CACNG6: variants seen among roughly 807,000 people sequenced by gnomAD.
The protein encoded by CACNG6 is voltage-dependent calcium channel gamma-6 subunit.
Under a neutral mutation model 23.9 loss-of-function variants are expected in CACNG6, and 21 were observed. The ratio of observed to expected loss-of-function variants is 0.88; its 90% CI spans 0.62 to 1.26. The LOEUF is 1.26. CACNG6 is among the 50% of genes most tolerant of loss of function. The probability of loss-of-function intolerance (pLI) is 0.00; values close to 1 mark genes in which losing one functional copy is unlikely to be tolerated. For synonymous variants in CACNG6, 182 were observed against 168.9 expected, an observed-to-expected ratio of 1.08 and a Z score of -0.60; for missense variants, 340 against 352.9, an observed-to-expected ratio of 0.96 and a Z score of 0.29.
chr19:54,005,254 AATAAAAG>A, intron 3 of CACNG6, among the ~76,000 whole-genome samples: 1 of 77,522 alleles, frequency 1.3e-5, no homozygotes, highest in Non-Finnish European at 2.8e-5. Flanking sequence ...AATAAATAAT[AATAAAAG>A]AAAGAGCACG....
chr19:53,995,954 G>A (rs1340561471), intron 1 of CACNG6, among the ~76,000 whole-genome samples: 1 of 151,982 alleles, frequency 6.6e-6, no homozygotes, highest in African/African-American at 2.4e-5. Context: ...GAGCCACCAC[G>A]CGCAGCCCAG....
At chr19:54,011,203 A>ATATATATATATAT (rs1236174156) in intron 3 of CACNG6, among the ~76,000 whole-genome samples, 2 of 100,684 alleles carry the variant, frequency 2.0e-5, no homozygotes, top group Admixed American at 1.2e-4. Context: ...AAAAAAAAAA[A>ATATATATATATAT]AAATATATAT....
intron 3 of CACNG6, among the ~76,000 whole-genome samples, chr19:54,011,221 T>TACACACACACAC (rs373872212): frequency 4.0e-5 from 4 of 101,120 alleles, no homozygotes; most frequent in African/African-American, 1.0e-4. Flanking sequence ...TATATATATA[T>TACACACACACAC]ATATATACAC....
chr19:53,996,712 A>G (rs2069524552), intron 1 of CACNG6, among the ~76,000 whole-genome samples: 1 of 151,036 alleles, frequency 6.6e-6, no homozygotes, highest in South Asian at 2.1e-4. Flanking sequence ...GTTTTATATT[A>G]TTTTTTCCTC....
chr19:53,998,383 G>A (rs528306138), intron 2 of CACNG6, 70 bp downstream of exon 2: 2 of 1,391,046 alleles, frequency 1.4e-6, no homozygotes, highest in African/African-American at 1.4e-5. Context: ...GAGTTCTAGA[G>A]AGAGTTATCC....
chr19:54,004,623 G>A (rs1041514427), intron 3 of CACNG6, among the ~76,000 whole-genome samples: 2 of 152,100 alleles, frequency 1.3e-5, no homozygotes, highest in Admixed American at 6.6e-5. Context: ...GCCTCGCGCG[G>A]GCTGACTCCC....
intron 3 of CACNG6, among the ~76,000 whole-genome samples, chr19:54,003,402 C>T (rs966674289): frequency 6.6e-6 from 1 of 152,010 alleles, no homozygotes; most frequent in East Asian, 1.9e-4. Flanking sequence ...GCTCTGTCAC[C>T]CAGGCTGGAG....
At chr19:53,993,659 T>C (rs2069491446) in intron 1 of CACNG6, among the ~76,000 whole-genome samples, 3 of 144,710 alleles carry the variant, frequency 2.1e-5, no homozygotes, top group Admixed American at 1.4e-4. Context: ...CCGACTATCC[T>C]GTACCCCCAG....
At chr19:54,010,791 G>A (rs909331962) in intron 3 of CACNG6, among the ~76,000 whole-genome samples, 2 of 151,776 alleles carry the variant, frequency 1.3e-5, no homozygotes, top group African/African-American at 4.8e-5. Context: ...ATGTTGCCCA[G>A]GCTGGTCTCA....
rs1056676262 is a variant in CACNG6 at position 54,012,385 on chromosome 19, G to A, written c.*196G>A. The A allele has an allele frequency of 2.5e-6, 1 of 400,406 alleles. No homozygotes were observed. Among genetic ancestry groups the A allele is most frequent in the African/African-American group, 2.1e-5 (1 of 48,504 alleles). 24.8% of individuals were successfully genotyped at this position (400,406 alleles called of 1,614,324 possible). A position where few individuals can be genotyped will look rare whatever the true frequency, so the allele number is the denominator to read the frequency against. On this transcript the variant is annotated 3_prime_UTR_variant, in exon 4 of 4. Transcript: ENST00000252729. ...TACGTTTTTCTCTGTGGCTGTATGT[G>A]GGTTGCTTGGGGGTGGGATGGGAAG...
chr19:54,001,652 T>A (rs158201), intron 3 of CACNG6, among the ~76,000 whole-genome samples: 1 of 152,016 alleles, frequency 6.6e-6, no homozygotes, highest in African/African-American at 2.4e-5. Context: ...TCCTCAGGGA[T>A]TTAGAGAGGG....
chr19:53,992,730 C>A lies in CACNG6; in HGVS notation c.-148C>A. On this transcript the variant is annotated 5_prime_UTR_variant, in exon 1 of 4. Transcript: ENST00000252729. The surrounding 1 kb of genome is among the most constrained non-coding windows in gnomAD (Gnocchi z 4.1). ...ATCTCGACTTTCGCATTTGAGATTC[C>A]AGACAGGACTCGGCTCTCCCTCTTT... The A allele has an allele frequency of 2.2e-6, 1 of 451,430 alleles. No homozygotes were observed. Among genetic ancestry groups the A allele is most frequent in the Non-Finnish European group, 3.8e-6 (1 of 265,630 alleles). The allele number at this position is 451,430 out of a possible 1,614,324, so 28.0% of individuals were successfully genotyped here.
chr19:53,998,124 T>C, intron 1 of CACNG6, 115 bp from the exon 2 acceptor site: 1 of 811,504 alleles, frequency 1.2e-6, no homozygotes, highest in Non-Finnish European at 2.0e-6. Flanking sequence ...CCTCTGTGTA[T>C]CAGGGATGCT....
intron 3 of CACNG6, among the ~76,000 whole-genome samples, chr19:54,000,902 A>C (rs2069568496): frequency 6.6e-6 from 1 of 152,146 alleles, no homozygotes; most frequent in South Asian, 2.1e-4. Context: ...TAAATGAGGA[A>C]ATTGAGGCTC....
intron 1 of CACNG6, among the ~76,000 whole-genome samples, chr19:53,995,236 A>G (rs2069508888): frequency 6.6e-6 from 1 of 152,060 alleles, no homozygotes; most frequent in South Asian, 2.1e-4. Context: ...ATCTCACCGC[A>G]TTGTATGGGG....
chr19:54,010,394 A>G (rs1310016721), intron 3 of CACNG6, among the ~76,000 whole-genome samples: 2 of 151,974 alleles, frequency 1.3e-5, no homozygotes, highest in Non-Finnish European at 2.9e-5. Flanking sequence ...TAGTGATCCA[A>G]TCGCTTCAGT....
At chr19:53,998,128 G>A in intron 1 of CACNG6, 111 bp from the exon 2 acceptor site, 1 of 848,334 alleles carries the variant, frequency 1.2e-6, no homozygotes, top group Non-Finnish European at 1.9e-6. Context: ...TGTGTATCAG[G>A]GATGCTGATG....
At position 54,011,949 on chromosome 19, in the gene CACNG6, A is replaced by C; in HGVS notation, c.545-2A>C. 1 of 1,498,240 alleles carries C rather than the reference A, an allele frequency of 6.7e-7. No individual in the cohort carries two copies. The highest frequency in any genetic ancestry group is 8.9e-7 in the Non-Finnish European group (1 of 1,123,646). 92.8% of individuals were successfully genotyped at this position (1,498,240 alleles called of 1,614,324 possible). A position where few individuals can be genotyped will look rare whatever the true frequency, so the allele number is the denominator to read the frequency against. On this transcript the variant is annotated splice_acceptor_variant, in intron 3 of 3. Coordinates refer to ENST00000252729, the MANE Select transcript of CACNG6 (RefSeq NM_145814.2). LOFTEE classifies it high-confidence loss of function. The stretch of plus-strand genomic sequence containing the variant: ...GACTGCGAGCTGTCCTCTCTCCCGC[A>C]GGCCTGCTGCTCTTGGTGAGCCTGG...
At chr19:54,009,500 G>C (rs928468804) in intron 3 of CACNG6, among the ~76,000 whole-genome samples, 2 of 151,006 alleles carry the variant, frequency 1.3e-5, no homozygotes, top group Non-Finnish European at 2.9e-5. Context: ...ACCTGTAGTC[G>C]CAGGTACTCA....
Sources: gnomAD v4.1 joint callset for allele counts (sites outside exome capture counted in the v4.1 genomes callset) on GRCh38, gnomAD v4.1.1 for gene constraint, Gnocchi (gnomAD v3.1) non-coding constraint, MANE v1.5 for transcripts, NCBI Gene and HGNC (gene_info 2026-07-23, HGNC 2026-07-21) for gene names.